Variants in DNAJC10 observed in about 807,000 individuals in gnomAD.
DNAJC10 encodes endoplasmic reticulum disulfide reductase DNAJC10.
In DNAJC10, 101 loss-of-function variants were observed where a neutral mutation model predicts 115.0. The ratio of observed to expected loss-of-function variants is 0.88; its 90% CI spans 0.75 to 1.04. The LOEUF is 1.04. Among genes scored for constraint, DNAJC10 ranks in the 50% least tolerant of loss-of-function variants. DNAJC10 has a pLI of 0.00. For missense variants in DNAJC10, 981 were observed against 928.8 expected (o/e 1.06, Z -0.73); for synonymous variants, 307 against 301.5 (o/e 1.02, Z -0.19).
At chr2:182,776,585 T>C (rs902070403) in intron 23 of DNAJC10, among the ~76,000 whole-genome samples, 3 of 152,172 alleles carry the variant, frequency 2.0e-5, no homozygotes, top group Non-Finnish European at 2.9e-5. Flanking sequence ...AGCACCATAT[T>C]AGACAATAGG....
At chr2:182,728,721 AG>A in intron 6 of DNAJC10, 63 bp downstream of exon 6, 1 of 1,483,316 alleles carries the variant, frequency 6.7e-7, no homozygotes, top group Non-Finnish European at 9.2e-7. Context: ...TTTATATGTT[AG>A]AATTTTTTTT....
At chr2:182,731,234 T>C in intron 9 of DNAJC10, 127 bp downstream of exon 9, 1 of 603,990 alleles carries the variant, frequency 1.7e-6, no homozygotes, top group Non-Finnish European at 2.8e-6. Flanking sequence ...AGGATTACAA[T>C]TTTTTTACTT....
intron 14 of DNAJC10, among the ~76,000 whole-genome samples, chr2:182,750,462 A>G (rs573027295): frequency 6.6e-6 from 1 of 152,202 alleles, no homozygotes; most frequent in Non-Finnish European, 1.5e-5. Context: ...TTGCCAAGAT[A>G]AGGTTGGTGA....
intron 19 of DNAJC10, among the ~76,000 whole-genome samples, 161 bp from the exon 20 acceptor site, chr2:182,758,676 C>T (rs1559019870): frequency 6.6e-6 from 1 of 152,044 alleles, no homozygotes; most frequent in Non-Finnish European, 1.5e-5. Flanking sequence ...ATTTGTGAGG[C>T]CTTATAACCA....
rs1387242198 is a variant in DNAJC10 at position 182,787,299 on chromosome 2, T to C, written c.*10167T>C. 2 of 152,218 alleles carry C rather than the reference T, an allele frequency of 1.3e-5. No homozygotes were observed. The highest frequency in any genetic ancestry group is 4.8e-5 in the African/African-American group (2 of 41,442). 9.4% of individuals were successfully genotyped at this position (152,218 alleles called of 1,614,324 possible). A position where few individuals can be genotyped will look rare whatever the true frequency, so the allele number is the denominator to read the frequency against. On this transcript the variant is annotated 3_prime_UTR_variant, in exon 24 of 24. Coordinates refer to ENST00000264065, the MANE Select transcript of DNAJC10 (RefSeq NM_018981.4). ...CAAGGTGCACATCACCCGCTAGTCA[T>C]TGTGGCTTCTGCTGCTTTAAGGTTC...
At chr2:182,744,654 T>G (rs1158594853) in intron 14 of DNAJC10, among the ~76,000 whole-genome samples, 1 of 151,974 alleles carries the variant, frequency 6.6e-6, no homozygotes, top group Non-Finnish European at 1.5e-5. Flanking sequence ...TCAGACATTC[T>G]GCCAGAAGCC....
chr2:182,757,967 C>T lies in DNAJC10; in HGVS notation c.1943+142C>T, dbSNP rs1452837227. 3 of 549,786 alleles carry T rather than the reference C, an allele frequency of 5.5e-6. No individual in the cohort carries two copies. In the South Asian group the frequency reaches 9.7e-5, roughly 18 times the overall value. The allele number at this position is 549,786 out of a possible 1,614,324, so 34.1% of individuals were successfully genotyped here. A position where few individuals can be genotyped will look rare whatever the true frequency, so the allele number is the denominator to read the frequency against. On this transcript the variant is annotated intron_variant, in intron 19 of 23. Coordinates refer to ENST00000264065, the MANE Select transcript of DNAJC10 (RefSeq NM_018981.4). ...TACGTAAAGATAGTTTGTTAATGAA[C>T]ATTTCAGAAGATGAAAAGGGAGTAT...
chr2:182,763,287 C>T (rs1694331805), intron 22 of DNAJC10, among the ~76,000 whole-genome samples: 1 of 151,964 alleles, frequency 6.6e-6, no homozygotes, highest in Admixed American at 6.6e-5. Context: ...AAAGTATTTG[C>T]CATGTACTCA....
Position 182,781,599 on chromosome 2 carries a change from A to G in DNAJC10, c.*4467A>G, listed in dbSNP as rs183747636. The G allele has an allele frequency of 7.2e-5, 11 of 152,166 alleles. No homozygotes were observed. Among genetic ancestry groups the G allele is most frequent in the Admixed American group, 4.6e-4 (7 of 15,270 alleles). 9.4% of individuals were successfully genotyped at this position (152,166 alleles called of 1,614,324 possible). On this transcript the variant is annotated 3_prime_UTR_variant, in exon 24 of 24. Coordinates refer to ENST00000264065, the MANE Select transcript of DNAJC10 (RefSeq NM_018981.4). ...CCACTAACAGTGTAAAAGCATTCCT[A>G]TTTCTCCACATCCTCTCCAGCATCT...
At chr2:182,729,585 T>A (rs765156025) in intron 7 of DNAJC10, among the ~76,000 whole-genome samples, 1 of 152,154 alleles carries the variant, frequency 6.6e-6, no homozygotes, top group Non-Finnish European at 1.5e-5. Flanking sequence ...TGTTGTCTCA[T>A]TGAATGTAAA....
In DNAJC10 at chr2:182,720,183, A is replaced by G. The variant is rs1693115312; in HGVS notation, c.367+14A>G. The G allele has an allele frequency of 1.9e-6, 3 of 1,590,868 alleles. No homozygotes were observed. Among genetic ancestry groups the G allele is most frequent in the Middle Eastern group, 1.7e-4 (1 of 5,990 alleles). ...GTTATGATTTTGGTAAGGTGATACGATATTACTTATGAAATGTGTTTTATC... is the reference window on the plus strand; with the variant it reads ...GTTATGATTTTGGTAAGGTGATACGGTATTACTTATGAAATGTGTTTTATC... On this transcript the variant is annotated intron_variant, in intron 4 of 23. Transcript: ENST00000264065.
chr2:182,728,949 A>C lies in DNAJC10; in HGVS notation c.588A>C (p.Lys196Asn). 1 of 1,614,074 alleles carries C rather than the reference A, an allele frequency of 6.2e-7. No individual in the cohort carries two copies. ...CGDDRMLCRM[K>N]GVNSYPSLFI... ...ATGATAGAATGCTTTGCCGAATGAAAGGAGTCAACAGCTATCCCAGCCTCT... is the reference window on the plus strand; with the variant it reads ...ATGATAGAATGCTTTGCCGAATGAACGGAGTCAACAGCTATCCCAGCCTCT... The change falls in exon 7 of 24, where the codon AAA becomes AAC. Residue 196 changes from lysine (K) to asparagine (N), a missense_variant. Physicochemically the swap from Lys to Asn is moderately conservative, Grantham distance 94. Transcript: ENST00000264065.
In DNAJC10 at chr2:182,728,876, C is replaced by T. The variant is rs759657664; in HGVS notation, c.515C>T (p.Ala172Val). 1.2e-6 allele frequency: 2 copies of T among 1,613,982 alleles called. No individual in the cohort carries two copies. The highest frequency in any genetic ancestry group is 1.1e-5 in the South Asian group (1 of 91,074). The stretch of plus-strand genomic sequence containing the variant: ...TTTCTGTCATAGTGGAGAGACTTTG[C>T]TAAAGAAGTGGATGGGTTACTTCGA... ...HDLAPTWRDF[A>V]KEVDGLLRIG... Residue 172 changes from alanine (A) to valine (V), a missense_variant, in exon 7 of 24, where the codon GCT (alanine) becomes GTT (valine). Coordinates refer to ENST00000264065, the MANE Select transcript of DNAJC10 (RefSeq NM_018981.4).
intron 3 of DNAJC10, 55 bp from the exon 4 acceptor site, chr2:182,719,952 G>A: frequency 1.8e-6 from 2 of 1,089,218 alleles, no homozygotes; most frequent in Non-Finnish European, 2.7e-6. Flanking sequence ...ATGTTTTGAA[G>A]AAACTTGGAT....
chr2:182,764,758 C>T (rs1231893958), intron 22 of DNAJC10, among the ~76,000 whole-genome samples: 1 of 152,112 alleles, frequency 6.6e-6, no homozygotes, highest in East Asian at 1.9e-4. Flanking sequence ...AATATACTCA[C>T]CATGGGAAAG....
At chr2:182,772,460 G>A (rs1339130820) in intron 22 of DNAJC10, among the ~76,000 whole-genome samples, 2 of 152,146 alleles carry the variant, frequency 1.3e-5, no homozygotes, top group Admixed American at 1.3e-4. Context: ...AAGTGTCTTT[G>A]TAGGTTTCTA....
intron 22 of DNAJC10, among the ~76,000 whole-genome samples, chr2:182,766,006 T>G (rs984602656): frequency 6.6e-6 from 1 of 152,174 alleles, no homozygotes; most frequent in African/African-American, 2.4e-5. Context: ...GTGGAGAAAT[T>G]TAAAACGTTT....
At chr2:182,747,736 A>G (rs1170430534) in intron 14 of DNAJC10, among the ~76,000 whole-genome samples, 2 of 144,738 alleles carry the variant, frequency 1.4e-5, no homozygotes, top group East Asian at 2.1e-4. Flanking sequence ...TCTCCTGCCT[A>G]ATTGCCCTGG....
intron 14 of DNAJC10, among the ~76,000 whole-genome samples, chr2:182,748,407 C>A (rs1249385132): frequency 2.0e-5 from 3 of 152,100 alleles, no homozygotes; most frequent in South Asian, 2.1e-4. Flanking sequence ...ACAATTTCAG[C>A]TCCTGTTATT....
Sources: allele counts gnomAD v4.1 joint callset (sites outside exome capture counted in the v4.1 genomes callset), GRCh38; gene constraint gnomAD v4.1.1; transcripts MANE v1.5; gene names NCBI Gene and HGNC (gene_info 2026-07-23, HGNC 2026-07-21).